The following SEL1L3 variants were observed in gnomAD, a reference collection of about 807,000 sequenced individuals.
SEL1L3 encodes protein sel-1 homolog 3.
Under a neutral mutation model 142.8 loss-of-function variants are expected in SEL1L3, and 76 were observed. The ratio of observed to expected loss-of-function variants is 0.53; its 90% CI spans 0.44 to 0.64. The LOEUF (loss-of-function observed/expected upper bound fraction) is 0.64. Among genes scored for constraint, SEL1L3 ranks in the 30% least tolerant of loss-of-function variants. The pLI is 0.00. For missense variants in SEL1L3, 1,262 were observed against 1,381.7 expected (o/e 0.91, Z 1.37); for synonymous variants, 504 against 519.6 (o/e 0.97, Z 0.41).
rs895044319 is a variant in SEL1L3 at position 25,748,211 on chromosome 4, C to T, written c.*214G>A. The T allele has an allele frequency of 3.7e-6, 2 of 547,038 alleles. No individual in the cohort carries two copies. The highest frequency in any genetic ancestry group is 3.8e-5 in the African/African-American group (2 of 52,748). The allele number at this position is 547,038 out of a possible 1,614,324, so 33.9% of individuals were successfully genotyped here. Reference sequence around the variant, plus strand: ...CCACATGCCCTATGATCAAGATGTTCCTTGTATGTGTTTGATGACCTTTGG... The same window carrying T: ...CCACATGCCCTATGATCAAGATGTTTCTTGTATGTGTTTGATGACCTTTGG... On this transcript the variant is annotated 3_prime_UTR_variant, in exon 24 of 24. Coordinates refer to ENST00000399878, the MANE Select transcript of SEL1L3 (RefSeq NM_015187.5).
chr4:25,722,677 C>T, the SEL1L3 span, among the ~76,000 whole-genome samples: 3 of 146,010 alleles, frequency 2.1e-5, no homozygotes, highest in Non-Finnish European at 4.4e-5. Flanking sequence ...GGCTGGTCTC[C>T]AACTCCTGGA....
chr4:25,732,668 C>G, the SEL1L3 span, among the ~76,000 whole-genome samples: 3 of 152,082 alleles, frequency 2.0e-5, no homozygotes, highest in African/African-American at 7.2e-5. Context: ...CCTCCCGCCC[C>G]ACCACATTTT....
chr4:25,852,644 T>C (rs1033606126), intron 1 of SEL1L3, among the ~76,000 whole-genome samples: 1 of 152,164 alleles, frequency 6.6e-6, no homozygotes, highest in Non-Finnish European at 1.5e-5. Context: ...ATAAGTCAAA[T>C]GTCAAATAAG....
At chr4:25,762,835 G>A (rs891991760) in intron 20 of SEL1L3, among the ~76,000 whole-genome samples, 2 of 152,092 alleles carry the variant, frequency 1.3e-5, no homozygotes, top group Non-Finnish European at 2.9e-5. Context: ...AAAATTAGCT[G>A]GGTGTGGTGG....
the SEL1L3 span, among the ~76,000 whole-genome samples, chr4:25,729,668 C>G: frequency 1.3e-5 from 2 of 152,244 alleles, no homozygotes; most frequent in Admixed American, 1.3e-4. Context: ...GAGCCGAGAT[C>G]GCGGCACTGC....
rs540310546 is a variant in SEL1L3 at position 25,796,658 on chromosome 4, G to A, written c.1956+5625C>T. Among the ~76,000 whole-genome samples, 5 of 152,080 alleles carry A rather than the reference G, an allele frequency of 3.3e-5. No homozygotes were observed. The South Asian group carries it at 6.2e-4, about 19-fold the overall frequency. Reference sequence around the variant, plus strand: ...AAATGCCCAAAATTAGCCAGGCATGGTGGCTCACTTGTAGTCCCAGCTACT... The same window carrying A: ...AAATGCCCAAAATTAGCCAGGCATGATGGCTCACTTGTAGTCCCAGCTACT... On this transcript the variant is annotated intron_variant, in intron 11 of 23. Coordinates refer to ENST00000399878, the MANE Select transcript of SEL1L3 (RefSeq NM_015187.5).
intron 23 of SEL1L3, among the ~76,000 whole-genome samples, chr4:25,754,022 G>T (rs1331501013): frequency 7.1e-6 from 1 of 140,548 alleles, no homozygotes; most frequent in African/African-American, 2.9e-5. Context: ...AATAAATAAG[G>T]TCAGTTGCAG....
At chr4:25,726,389 G>T in the SEL1L3 span, among the ~76,000 whole-genome samples, 1 of 152,074 alleles carries the variant, frequency 6.6e-6, no homozygotes, top group East Asian at 1.9e-4. Context: ...TTAGCTGTGC[G>T]TGGTGGTGTG....
chr4:25,714,500 TTTTCTTTCTTTCTTTCTTTC>T, the SEL1L3 span, among the ~76,000 whole-genome samples: 13,957 of 108,864 alleles, frequency 0.13, 1,004 homozygotes, highest in Non-Finnish European at 0.17. Context: ...CTTTCTTTCT[TTTTCTTTCTTTCTTTCTTTC>T]TTTCTTTCTT....
chr4:25,740,854 G>A, the SEL1L3 span, among the ~76,000 whole-genome samples: 8 of 151,800 alleles, frequency 5.3e-5, no homozygotes, highest in African/African-American at 1.5e-4. Flanking sequence ...GTGCGATCTC[G>A]GCTTACTGCA....
intron 7 of SEL1L3, 66 bp from the exon 8 acceptor site, chr4:25,820,006 G>A: frequency 6.7e-7 from 1 of 1,502,342 alleles, no homozygotes; most frequent in Non-Finnish European, 9.1e-7. Context: ...CCTCTAGGAG[G>A]ATGTGTTTGG....
At chr4:25,859,386 T>C (rs1012870147) in intron 1 of SEL1L3, among the ~76,000 whole-genome samples, 3 of 152,228 alleles carry the variant, frequency 2.0e-5, no homozygotes, top group African/African-American at 4.8e-5. Flanking sequence ...GTGACTTATC[T>C]TTCAGCCCTC....
chr4:25,777,776 A>G (rs766249699), intron 16 of SEL1L3: 29 of 454,300 alleles, frequency 6.4e-5, no homozygotes, highest in South Asian at 4.5e-4. Flanking sequence ...AGTCAAGTTT[A>G]TCACCAAGGT....
intron 2 of SEL1L3, among the ~76,000 whole-genome samples, chr4:25,839,184 T>A (rs1245520193): frequency 6.6e-6 from 1 of 152,220 alleles, no homozygotes; most frequent in Non-Finnish European, 1.5e-5. Flanking sequence ...TAATTTTCTT[T>A]AAAGCCAAAG....
chr4:25,775,439 T>C (rs1464409751), intron 17 of SEL1L3, among the ~76,000 whole-genome samples: 7 of 152,192 alleles, frequency 4.6e-5, no homozygotes, highest in Admixed American at 1.3e-4. Flanking sequence ...CAAATCAGAG[T>C]ATGATCAATG....
At chr4:25,767,139 C>T (rs757933190) in intron 19 of SEL1L3, among the ~76,000 whole-genome samples, 1 of 151,996 alleles carries the variant, frequency 6.6e-6, no homozygotes, top group Non-Finnish European at 1.5e-5. Flanking sequence ...TTAAAAAATA[C>T]AAAAATTAGC....
intron 9 of SEL1L3, among the ~76,000 whole-genome samples, chr4:25,817,573 G>A (rs1408119113): frequency 6.6e-6 from 1 of 152,166 alleles, no homozygotes; most frequent in Non-Finnish European, 1.5e-5. Context: ...GAGGTCCCAC[G>A]TTCAAGTGTC....
intron 19 of SEL1L3, 73 bp downstream of exon 19, chr4:25,767,452 T>A: frequency 1.3e-6 from 1 of 766,972 alleles, no homozygotes; most frequent in Admixed American, 2.3e-5. Context: ...CACACAAAGC[T>A]GTCAGATGTT....
chr4:25,773,184 A>C (rs1337885878), intron 17 of SEL1L3: 4 of 152,228 alleles, frequency 2.6e-5, no homozygotes, highest in African/African-American at 9.6e-5. Flanking sequence ...AATCATATAA[A>C]GGTCAGAAAT....
Sources: allele counts gnomAD v4.1 joint callset (sites outside exome capture counted in the v4.1 genomes callset), GRCh38; gene constraint gnomAD v4.1.1; transcripts MANE v1.5; gene names NCBI Gene and HGNC (gene_info 2026-07-23, HGNC 2026-07-21).